Variants in TMTC1 observed in about 807,000 individuals in gnomAD.
The protein encoded by TMTC1 is transmembrane O-mannosyltransferase targeting cadherins 1, also known as protein O-mannosyl-transferase TMTC1.
TMTC1 carries 73 observed loss-of-function variants against 104.8 expected under a neutral mutation model. That is an observed-to-expected ratio of 0.70 (90% CI 0.58 to 0.85). The LOEUF (loss-of-function observed/expected upper bound fraction) is 0.85, where lower values mean the gene tolerates loss of function less well. Among genes scored for constraint, TMTC1 ranks in the 40% least tolerant of loss-of-function variants. The pLI is 0.00. For synonymous variants in TMTC1, 434 were observed against 428.7 expected, an observed-to-expected ratio of 1.01 and a Z score of -0.15; for missense variants, 1,035 against 1,096.1, an observed-to-expected ratio of 0.94 and a Z score of 0.79.
intron 7 of TMTC1, among the ~76,000 whole-genome samples, chr12:29,585,250 A>G (rs1388666231): frequency 6.6e-6 from 1 of 152,068 alleles, no homozygotes; most frequent in South Asian, 2.1e-4. Context: ...TTTGAGAAGT[A>G]CCTGTTCATA....
Position 29,758,763 on chromosome 12 carries a change from A to G in TMTC1, c.495T>C (p.Val165=). 1 of 1,608,418 alleles carries G rather than the reference A, an allele frequency of 6.2e-7. No homozygotes were observed. The change falls in exon 3 of 18, where the codon GTT becomes GTC. Residue 165 remains valine (V), a synonymous_variant. Transcript: ENST00000539277. ...PIHTEAVAGI[V]GRADVLACLL... ...GACACGCTAACACGTCCGCTCTGCC[A>G]ACGATCCCAGCCACCTTGGAAGTTA... is the stretch of plus-strand genomic sequence containing the variant.
At chr12:29,772,374 C>T (rs988181842) in intron 1 of TMTC1, among the ~76,000 whole-genome samples, 4 of 151,734 alleles carry the variant, frequency 2.6e-5, no homozygotes, top group African/African-American at 4.8e-5. Flanking sequence ...TTTTTGTGTA[C>T]GGTAAAGAGG....
chr12:29,537,304 G>A (rs1020574022), intron 10 of TMTC1, among the ~76,000 whole-genome samples: 1 of 152,134 alleles, frequency 6.6e-6, no homozygotes, highest in African/African-American at 2.4e-5. Context: ...CAATGACTAT[G>A]TGCCATATAC....
At chr12:29,741,490 C>A (rs1337186794) in intron 5 of TMTC1, among the ~76,000 whole-genome samples, 3 of 152,154 alleles carry the variant, frequency 2.0e-5, no homozygotes, top group African/African-American at 7.2e-5. Context: ...TGTGTCACTT[C>A]ATGGATAAGA....
intron 3 of TMTC1, among the ~76,000 whole-genome samples, chr12:29,756,165 G>A (rs1943210869): frequency 6.6e-6 from 1 of 152,208 alleles, no homozygotes; most frequent in African/African-American, 2.4e-5. Context: ...AGATGTTTAA[G>A]TGAATACATT....
At chr12:29,570,828 AGC>A (rs962241472) in intron 9 of TMTC1, among the ~76,000 whole-genome samples, 10 of 6,706 alleles carry the variant, frequency 1.5e-3, no homozygotes, top group South Asian at 0.062. Flanking sequence ...TGGGTGACAG[AGC>A]GAGAGACTCC....
intron 11 of TMTC1, 143 bp downstream of exon 11, chr12:29,536,066 A>G (rs1944633506): frequency 1.6e-6 from 1 of 640,636 alleles, no homozygotes; most frequent in Non-Finnish European, 2.7e-6. Context: ...TTAGGCTTGT[A>G]ATTTCTGTCC....
chr12:29,531,849 T>C (rs1944513060), intron 11 of TMTC1, among the ~76,000 whole-genome samples: 1 of 152,146 alleles, frequency 6.6e-6, no homozygotes, highest in African/African-American at 2.4e-5. Flanking sequence ...TATCTCTTCT[T>C]CCTTTCCACT....
chr12:29,703,036 C>T (rs1384600806), intron 5 of TMTC1, among the ~76,000 whole-genome samples: 3 of 151,060 alleles, frequency 2.0e-5, no homozygotes, highest in Admixed American at 6.6e-5. Flanking sequence ...CCCAGCTACT[C>T]GGGAGGCTGA....
chr12:29,690,183 G>A (rs1216835196), intron 5 of TMTC1, among the ~76,000 whole-genome samples: 4 of 152,188 alleles, frequency 2.6e-5, no homozygotes, highest in Admixed American at 6.5e-5. Context: ...GTAAAATATG[G>A]TAGAAGGGCT....
chr12:29,763,998 T>G (rs1352747329), intron 2 of TMTC1, among the ~76,000 whole-genome samples: 1 of 152,212 alleles, frequency 6.6e-6, no homozygotes, highest in Admixed American at 6.5e-5. Flanking sequence ...TAGGCTGAAT[T>G]GTAGGATGCT....
rs113043254 is a variant in TMTC1 at position 29,650,497 on chromosome 12, G to A, written c.939-17161C>T. 6.7e-3 allele frequency among the ~76,000 whole-genome samples: 1,015 copies of A among 152,086 alleles called. 13 individuals are homozygous for A. The highest frequency in any genetic ancestry group is 0.024 in the African/African-American group (981 of 41,464). ...CTACCCTAGACCTACCCTCTCCAGGGGTTCTCACACTGCAAAATCAACAGG... is the reference window on the plus strand; with the variant it reads ...CTACCCTAGACCTACCCTCTCCAGGAGTTCTCACACTGCAAAATCAACAGG... On this transcript the variant is annotated intron_variant, in intron 5 of 17. Transcript: ENST00000539277.
intron 5 of TMTC1, among the ~76,000 whole-genome samples, chr12:29,682,002 CTTAT>C (rs1481263519): frequency 6.6e-6 from 1 of 151,968 alleles, no homozygotes; most frequent in African/African-American, 2.4e-5. Context: ...TTTAAGGATA[CTTAT>C]TTGATAGAGA....
chr12:29,569,075 C>T (rs137900546), intron 9 of TMTC1: 385 of 439,124 alleles, frequency 8.8e-4, no homozygotes, highest in Non-Finnish European at 9.7e-4. Flanking sequence ...AGGGTTTTGA[C>T]ATTTTTCTTT....
chr12:29,628,131 G>C (rs911348216), intron 6 of TMTC1, among the ~76,000 whole-genome samples: 2 of 152,206 alleles, frequency 1.3e-5, no homozygotes, highest in Admixed American at 1.3e-4. Context: ...TTCTTTATGA[G>C]GGCATCTGTG....
chr12:29,546,416 G>C (rs148787737), intron 10 of TMTC1, among the ~76,000 whole-genome samples: 1 of 152,140 alleles, frequency 6.6e-6, no homozygotes, highest in East Asian at 1.9e-4. Context: ...ATGGGAGGGA[G>C]GTTGGCAGAA....
At chr12:29,652,249 T>C (rs988283378) in intron 5 of TMTC1, among the ~76,000 whole-genome samples, 4 of 152,134 alleles carry the variant, frequency 2.6e-5, no homozygotes, top group Non-Finnish European at 4.4e-5. Context: ...GGGAAGCATA[T>C]AAATCCTGAG....
At chr12:29,664,843 A>T (rs1940213320) in intron 5 of TMTC1, among the ~76,000 whole-genome samples, 1 of 152,214 alleles carries the variant, frequency 6.6e-6, no homozygotes, top group Non-Finnish European at 1.5e-5. Flanking sequence ...TTTTTTTCTA[A>T]TTCCAGTCAA....
At chr12:29,546,226 C>T (rs1565660671) in intron 10 of TMTC1, among the ~76,000 whole-genome samples, 1 of 152,160 alleles carries the variant, frequency 6.6e-6, no homozygotes, top group African/African-American at 2.4e-5. Context: ...GCTCATGAGA[C>T]ATGAGAAGTG....
Sources: allele counts gnomAD v4.1 joint callset (sites outside exome capture counted in the v4.1 genomes callset), GRCh38; gene constraint gnomAD v4.1.1; transcripts MANE v1.5; gene names NCBI Gene and HGNC (gene_info 2026-07-23, HGNC 2026-07-21).